The following MYO18A variants were observed in gnomAD, a reference collection of about 807,000 sequenced individuals.
MYO18A encodes unconventional myosin-XVIIIa.
A neutral mutation model predicts 235.8 loss-of-function variants in MYO18A; 78 were observed. That is an observed-to-expected ratio of 0.33 (90% CI 0.28 to 0.40). MYO18A has a LOEUF of 0.40. Ranked by LOEUF, MYO18A falls within the 10% of genes least tolerant of loss-of-function variation. MYO18A has a pLI of 1.00. For missense variants in MYO18A, 2,215 were observed against 2,699.3 expected (o/e 0.82, Z 3.98); for synonymous variants, 977 against 1,077.8 (o/e 0.91, Z 1.83).
chr17:29,131,331 A>G (rs2067468120), intron 2 of MYO18A: 9 of 913,394 alleles, frequency 9.9e-6, no homozygotes, highest in Non-Finnish European at 1.2e-5. Context: ...ATGCACACAC[A>G]CATGCCCGCA....
At chr17:29,132,897 C>G (rs1441091030) in intron 2 of MYO18A, among the ~76,000 whole-genome samples, 2 of 152,124 alleles carry the variant, frequency 1.3e-5, no homozygotes, top group Non-Finnish European at 2.9e-5. Context: ...CTGCTGCCCC[C>G]CACCAAGCCA....
intron 11 of MYO18A, 66 bp downstream of exon 11, chr17:29,116,378 T>G: frequency 6.2e-7 from 1 of 1,600,338 alleles, no homozygotes; most frequent in South Asian, 1.1e-5. Flanking sequence ...CACAGACATA[T>G]GTGCCTCAGC....
chr17:29,116,558 T>C, intron 10 of MYO18A, 103 bp from the exon 11 acceptor site: 2 of 1,401,074 alleles, frequency 1.4e-6, no homozygotes, highest in Non-Finnish European at 1.0e-6. Flanking sequence ...GGGGCGGGGG[T>C]GTTGTGAGGA....
rs762954400 is a variant in MYO18A at position 29,107,091 on chromosome 17, C to A, written c.3430G>T (p.Asp1144Tyr). Reference sequence around the variant, plus strand: ...GGACCTGGACCTACCCGCCTTTCATCCACCACGATGTAGTTACGCCCGTGT... The same window carrying A: ...GGACCTGGACCTACCCGCCTTTCATACACCACGATGTAGTTACGCCCGTGT... The part of the protein sequence containing the change: ...KKHGRNYIVV[D>Y]ERRAVEELLE... The change falls in exon 20 of 42, where the codon GAT becomes TAT. Residue 1144 changes from aspartate (D) to tyrosine (Y), a missense_variant. Transcript: ENST00000527372. 3.1e-6 allele frequency: 5 copies of A among 1,613,856 alleles called. No homozygotes were observed. The Admixed American group carries it at 6.7e-5, about 22-fold the overall frequency.
At position 29,121,482 on chromosome 17, in the gene MYO18A, AG is replaced by A; in HGVS notation, c.1371+64del. 2 of 1,477,392 alleles carry A rather than the reference AG, an allele frequency of 1.4e-6. No homozygotes were observed. Among genetic ancestry groups the A allele is most frequent in the African/African-American group, 2.8e-5 (2 of 71,204 alleles). 91.5% of individuals were successfully genotyped at this position (1,477,392 alleles called of 1,614,324 possible). A position where few individuals can be genotyped will look rare whatever the true frequency, so the allele number is the denominator to read the frequency against. On this transcript the variant is annotated intron_variant, in intron 5 of 41. Transcript: ENST00000527372. This position sits in a 1 kb window ranked among gnomAD's most constrained non-coding sequence, Gnocchi z 4.2. ...GAGCCCAGTGGGGTGCCACAGGGGAAGGGCAGAGAGCCAGGGCAGGGGGTGG... is the reference window on the plus strand; with the variant it reads ...GAGCCCAGTGGGGTGCCACAGGGGAAGGCAGAGAGCCAGGGCAGGGGGTGG...
At chr17:29,164,057 T>C (rs1210397452) in intron 2 of MYO18A, among the ~76,000 whole-genome samples, 1 of 152,136 alleles carries the variant, frequency 6.6e-6, no homozygotes, top group East Asian at 1.9e-4. Flanking sequence ...GCCCAGCTAA[T>C]TTTTGTATTT....
chr17:29,092,731 C>T (rs2066427210), intron 33 of MYO18A, 124 bp downstream of exon 33: 2 of 1,363,844 alleles, frequency 1.5e-6, no homozygotes, highest in African/African-American at 2.9e-5. Context: ...ACGTGGCTCT[C>T]CCCTCTTTCC....
Position 29,125,558 on chromosome 17 carries a change from AC to A in MYO18A, c.1000-3306del, listed in dbSNP as rs1190478087. On this transcript the variant is annotated intron_variant, in intron 2 of 41. Coordinates refer to ENST00000527372, the MANE Select transcript of MYO18A (RefSeq NM_078471.4). The surrounding 1 kb of genome is among the most constrained non-coding windows in gnomAD (Gnocchi z 5.1). Reference sequence around the variant, plus strand: ...CCACCTGGGTCTAGAGAGCCAGGTCACCAAAAATAGCGACAGCAACCTTCCT... The same window carrying A: ...CCACCTGGGTCTAGAGAGCCAGGTCACAAAAATAGCGACAGCAACCTTCCT... Among the ~76,000 whole-genome samples, 1 of 152,226 alleles carries A rather than the reference AC, an allele frequency of 6.6e-6. No homozygotes were observed. Among genetic ancestry groups the A allele is most frequent in the Non-Finnish European group, 1.5e-5 (1 of 68,044 alleles).
At chr17:29,080,332 TCATCCACTG>T (rs1364637233) in intron 41 of MYO18A, 1 of 986,016 alleles carries the variant, frequency 1.0e-6, no homozygotes, top group African/African-American at 1.7e-5. Flanking sequence ...GCTGGGAGGC[TCATCCACTG>T]CCGAGGCAGA....
intron 2 of MYO18A, among the ~76,000 whole-genome samples, chr17:29,163,916 T>C (rs1421597584): frequency 6.6e-6 from 1 of 152,178 alleles, no homozygotes; most frequent in East Asian, 1.9e-4. Context: ...TGAGACAGAG[T>C]TTAGCTCTTA....
At chr17:29,101,144 T>C (rs571708335) in intron 21 of MYO18A, among the ~76,000 whole-genome samples, 37 of 147,264 alleles carry the variant, frequency 2.5e-4, no homozygotes, top group African/African-American at 9.3e-4. Context: ...ACTACAGGTG[T>C]GCACCACCAT....
chr17:29,130,472 TCCCACA>T (rs1330711686), intron 2 of MYO18A, among the ~76,000 whole-genome samples: 6 of 76,784 alleles, frequency 7.8e-5, no homozygotes, highest in Admixed American at 2.6e-4. Context: ...CTGAGGCCTC[TCCCACA>T]CACACACACA....
chr17:29,170,786 T>C (rs1344356377), intron 1 of MYO18A, among the ~76,000 whole-genome samples: 1 of 152,174 alleles, frequency 6.6e-6, no homozygotes, highest in African/African-American at 2.4e-5. Flanking sequence ...AGAGTAAGCA[T>C]CCCGAAGGCA....
At chr17:29,096,968 G>C in intron 27 of MYO18A, 53 bp from the exon 28 acceptor site, 1 of 1,486,336 alleles carries the variant, frequency 6.7e-7, no homozygotes, top group Non-Finnish European at 9.0e-7. Flanking sequence ...CATAGGTGGA[G>C]AAGGTGAGGA....
At chr17:29,099,820 G>T in intron 21 of MYO18A, 58 bp from the exon 22 acceptor site, 1 of 1,582,822 alleles carries the variant, frequency 6.3e-7, no homozygotes, top group South Asian at 1.2e-5. Context: ...CAGAGGAAAG[G>T]CAGAGAAGGT....
At chr17:29,101,068 G>T (rs1225500902) in intron 21 of MYO18A, among the ~76,000 whole-genome samples, 5 of 152,126 alleles carry the variant, frequency 3.3e-5, no homozygotes, top group African/African-American at 1.2e-4. Context: ...TGTGATCATC[G>T]ATCACTGCAA....
intron 2 of MYO18A, among the ~76,000 whole-genome samples, chr17:29,153,672 T>TC (rs1422986632): frequency 6.6e-6 from 1 of 152,216 alleles, no homozygotes; most frequent in African/African-American, 2.4e-5. Context: ...CCTCTCTCTC[T>TC]CTCCTCCTCT....
At chr17:29,145,812 G>A (rs975541203) in intron 2 of MYO18A, among the ~76,000 whole-genome samples, 1 of 152,190 alleles carries the variant, frequency 6.6e-6, no homozygotes, top group African/African-American at 2.4e-5. Flanking sequence ...AACAGTCTAG[G>A]GAAGTTCAGA....
chr17:29,160,787 C>A (rs570901931), intron 2 of MYO18A, among the ~76,000 whole-genome samples: 32 of 152,206 alleles, frequency 2.1e-4, no homozygotes, highest in Non-Finnish European at 4.0e-4. Context: ...GAAACTCCAC[C>A]CCACACACTA....
Sources: allele counts gnomAD v4.1 joint callset (sites outside exome capture counted in the v4.1 genomes callset), GRCh38; gene constraint gnomAD v4.1.1; non-coding constraint Gnocchi (gnomAD v3.1); transcripts MANE v1.5; gene names NCBI Gene and HGNC (gene_info 2026-07-23, HGNC 2026-07-21).